Variants in PAICS observed in about 807,000 individuals in gnomAD.
The protein encoded by PAICS is bifunctional phosphoribosylaminoimidazole carboxylase/phosphoribosylaminoimidazole succinocarboxamide synthetase.
A neutral mutation model predicts 53.7 loss-of-function variants in PAICS; 33 were observed. The ratio of observed to expected loss-of-function variants is 0.61; its 90% confidence interval spans 0.47 to 0.82. The LOEUF (loss-of-function observed/expected upper bound fraction) is 0.82. Ranked by LOEUF, PAICS falls within the 40% of genes least tolerant of loss-of-function variation. The pLI, the probability that PAICS is intolerant of heterozygous loss-of-function variation, is 0.00. For synonymous variants in PAICS, 141 were observed against 167.2 expected (o/e 0.84, Z 1.21); for missense variants, 394 against 494.1 (o/e 0.80, Z 1.92).
chr4:56,438,818 T>A (rs1287917851), intron 1 of PAICS, among the ~76,000 whole-genome samples: 1 of 152,208 alleles, frequency 6.6e-6, no homozygotes, highest in Non-Finnish European at 1.5e-5. Flanking sequence ...TACAATTTTT[T>A]ATATCGAATG....
chr4:56,410,540 T>C, the PAICS span: 1 of 986,786 alleles, frequency 1.0e-6, no homozygotes, highest in Non-Finnish European at 1.2e-6. Flanking sequence ...AGGAAAGCAC[T>C]GGACTGAGGA....
chr4:56,438,400 T>TATATATATAC (rs1030859728), intron 1 of PAICS, among the ~76,000 whole-genome samples: 5 of 144,670 alleles, frequency 3.5e-5, no homozygotes, highest in Non-Finnish European at 6.0e-5. Flanking sequence ...TATATATATA[T>TATATATATAC]ATAAAAGGTT....
At chr4:56,422,494 TGTGTGTG>T in the PAICS span, 78 of 147,290 alleles carry the variant, frequency 5.3e-4, no homozygotes, top group African/African-American at 1.5e-3. Flanking sequence ...TGTGTGTGTG[TGTGTGTG>T]TGTGTGTGTG....
chr4:56,430,971 A>C (rs1351804617), upstream of PAICS, among the ~76,000 whole-genome samples: 1 of 152,106 alleles, frequency 6.6e-6, no homozygotes, highest in Admixed American at 6.5e-5. Context: ...ATTCTGCTTC[A>C]GACTAATGCA....
chr4:56,436,272 C>A lies in PAICS; in HGVS notation c.-41C>A, dbSNP rs924488741. 6.3e-7 allele frequency: 1 copy of A among 1,587,702 alleles called. No homozygotes were observed. Among genetic ancestry groups the A allele is most frequent in the Non-Finnish European group, 8.6e-7 (1 of 1,167,482 alleles). Reference sequence around the variant, plus strand: ...ACCCCTCTTTTCTAGAGTTCTGCCTCGCTTCCCGGCGCGGTCGCAGCCCTC... The same window carrying A: ...ACCCCTCTTTTCTAGAGTTCTGCCTAGCTTCCCGGCGCGGTCGCAGCCCTC... On this transcript the variant is annotated 5_prime_UTR_variant, in exon 1 of 9. Transcript: ENST00000512576.
chr4:56,417,902 G>A, the PAICS span, among the ~76,000 whole-genome samples: 1 of 148,744 alleles, frequency 6.7e-6, no homozygotes, highest in African/African-American at 2.5e-5. Context: ...GTGCAGTGGT[G>A]CAATCTCGGC....
upstream of PAICS, among the ~76,000 whole-genome samples, chr4:56,432,872 G>A (rs1318946459): frequency 6.6e-6 from 1 of 150,754 alleles, no homozygotes; most frequent in East Asian, 1.9e-4. Flanking sequence ...AAACCTTTTT[G>A]CAGTTGTTTT....
At chr4:56,429,068 A>G in the PAICS span, 4 of 312,598 alleles carry the variant, frequency 1.3e-5, 1 homozygote, top group Non-Finnish European at 1.9e-5. Context: ...CTTTTTCCTG[A>G]TAACAGAGAT....
At chr4:56,446,472 C>T (rs946303314) in intron 2 of PAICS, 6 of 695,514 alleles carry the variant, frequency 8.6e-6, no homozygotes, top group East Asian at 2.7e-5. Flanking sequence ...TCAGGAATTT[C>T]GTTCCTTTTT....
intron 2 of PAICS, among the ~76,000 whole-genome samples, chr4:56,442,916 C>A (rs1392757774): frequency 2.6e-5 from 4 of 152,146 alleles, no homozygotes; most frequent in African/African-American, 9.7e-5. Context: ...TATCCTATTT[C>A]ACAATTTTGA....
the PAICS span, among the ~76,000 whole-genome samples, chr4:56,419,231 T>C: frequency 5.3e-5 from 8 of 152,208 alleles, no homozygotes; most frequent in Non-Finnish European, 7.3e-5. Context: ...TCAAAACAAA[T>C]TATCTACAAT....
intron 1 of PAICS, among the ~76,000 whole-genome samples, chr4:56,438,557 C>G (rs868667654): frequency 2.6e-5 from 4 of 151,666 alleles, no homozygotes; most frequent in African/African-American, 7.3e-5. Flanking sequence ...CCTCAGCCCC[C>G]CAAGTAGCTG....
At chr4:56,435,909 C>T (rs777617990), upstream of PAICS, 2 of 1,489,946 alleles carry the variant, frequency 1.3e-6, no homozygotes, top group Non-Finnish European at 9.0e-7. Flanking sequence ...TGCATGCTTC[C>T]CCCAGGCCGT....
chr4:56,422,403 G>A, the PAICS span: 1 of 151,330 alleles, frequency 6.6e-6, no homozygotes, highest in Non-Finnish European at 1.5e-5. Flanking sequence ...TCAGTAATAA[G>A]TCAGAAGACA....
intron 2 of PAICS, among the ~76,000 whole-genome samples, chr4:56,442,288 G>T (rs1718380560): frequency 6.6e-6 from 1 of 152,118 alleles, no homozygotes; most frequent in Non-Finnish European, 1.5e-5. Flanking sequence ...TCTTCCACTT[G>T]AAAGCCCTGA....
intron 7 of PAICS, 117 bp from the exon 8 acceptor site, chr4:56,453,486 T>C (rs958814410): frequency 5.4e-6 from 3 of 554,698 alleles, no homozygotes; most frequent in East Asian, 5.7e-5. Flanking sequence ...CAGAGAAGAC[T>C]ATTCAAGGAC....
intron 3 of PAICS, among the ~76,000 whole-genome samples, chr4:56,447,278 C>T (rs1191658113): frequency 6.6e-6 from 1 of 151,946 alleles, no homozygotes; most frequent in Admixed American, 6.6e-5. Flanking sequence ...GGCTTTACTG[C>T]TTTTAACCAT....
At chr4:56,413,764 G>T in the PAICS span, among the ~76,000 whole-genome samples, 1 of 152,012 alleles carries the variant, frequency 6.6e-6, no homozygotes, top group Non-Finnish European at 1.5e-5. Context: ...GGGCTTGGTG[G>T]TGGGCACCTG....
chr4:56,436,410 T>C, intron 1 of PAICS, 82 bp downstream of exon 1: 3 of 1,137,724 alleles, frequency 2.6e-6, no homozygotes, highest in Non-Finnish European at 3.9e-6. Flanking sequence ...GCCGCGAAAC[T>C]CTGTCCCGCC....
Sources: allele counts gnomAD v4.1 joint callset (sites outside exome capture counted in the v4.1 genomes callset), GRCh38; gene constraint gnomAD v4.1.1; transcripts MANE v1.5; gene names NCBI Gene and HGNC (gene_info 2026-07-23, HGNC 2026-07-21).